The following DGLUCY variants were observed in gnomAD, a reference collection of about 807,000 sequenced individuals.
DGLUCY encodes the protein D-glutamate cyclase, mitochondrial.
A neutral mutation model predicts 58.5 loss-of-function variants in DGLUCY; 58 were observed. The observed-to-expected ratio is 0.99, with a 90% CI of 0.80 to 1.23. The LOEUF is 1.23. Ranked by LOEUF, DGLUCY falls within the 50% of genes most tolerant of loss-of-function variation. The pLI, the probability that DGLUCY is intolerant of heterozygous loss-of-function variation, is 0.00. For synonymous variants in DGLUCY, 325 were observed against 314.1 expected, an observed-to-expected ratio of 1.03 and a Z score of -0.37; for missense variants, 779 against 784.7, an observed-to-expected ratio of 0.99 and a Z score of 0.09.
chr14:91,192,048 T>A (rs965788636), intron 9 of DGLUCY, among the ~76,000 whole-genome samples: 2 of 152,210 alleles, frequency 1.3e-5, no homozygotes, highest in Admixed American at 1.3e-4. Flanking sequence ...AAGCAGGGAC[T>A]CAAGAGGTAT....
At chr14:91,133,219 C>T (rs996739561) in intron 1 of DGLUCY, among the ~76,000 whole-genome samples, 11 of 152,084 alleles carry the variant, frequency 7.2e-5, no homozygotes, top group East Asian at 3.9e-4. Flanking sequence ...TGCTTGAACC[C>T]GGGAGGTGGA....
chr14:91,184,683 A>G (rs2140476569), intron 8 of DGLUCY, among the ~76,000 whole-genome samples: 1 of 147,838 alleles, frequency 6.8e-6, no homozygotes, highest in East Asian at 2.0e-4. Flanking sequence ...GAGGGAAGGA[A>G]GGAAATGTCT....
chr14:91,066,670 A>C (rs2043827712), intron 1 of DGLUCY, among the ~76,000 whole-genome samples: 1 of 152,216 alleles, frequency 6.6e-6, no homozygotes, highest in Non-Finnish European at 1.5e-5. Flanking sequence ...TGCCATAAAC[A>C]GGAAGCAGGA....
At chr14:91,117,641 TCACATACACACACACA>T (rs960992673) in intron 1 of DGLUCY, among the ~76,000 whole-genome samples, 11 of 151,312 alleles carry the variant, frequency 7.3e-5, no homozygotes, top group South Asian at 4.2e-4. Context: ...AAGCTTTTGT[TCACATACACACACACA>T]CACATACACA....
chr14:91,070,814 A>G (rs1044312559), intron 1 of DGLUCY, among the ~76,000 whole-genome samples: 2 of 152,234 alleles, frequency 1.3e-5, no homozygotes, highest in African/African-American at 4.8e-5. Context: ...GAAACAATAG[A>G]ATAATGGAGG....
intron 1 of DGLUCY, among the ~76,000 whole-genome samples, chr14:91,077,941 G>A (rs1316540103): frequency 7.2e-6 from 1 of 138,546 alleles, no homozygotes; most frequent in Non-Finnish European, 1.6e-5. Context: ...TCTTTTCATA[G>A]CAAACTATCC....
chr14:91,196,930 G>C (rs2050255547), intron 10 of DGLUCY, among the ~76,000 whole-genome samples: 2 of 152,090 alleles, frequency 1.3e-5, no homozygotes, highest in Non-Finnish European at 2.9e-5. Flanking sequence ...GTACATGCAA[G>C]TGTGTGTATT....
chr14:91,127,810 T>G (rs1478005367), intron 1 of DGLUCY, among the ~76,000 whole-genome samples: 1 of 152,210 alleles, frequency 6.6e-6, no homozygotes, highest in Non-Finnish European at 1.5e-5. Flanking sequence ...CTCATGGCTT[T>G]CTTTTCTCCT....
At chr14:91,172,751 G>C (rs890648955) in intron 5 of DGLUCY, among the ~76,000 whole-genome samples, 1 of 151,196 alleles carries the variant, frequency 6.6e-6, no homozygotes, top group Non-Finnish European at 1.5e-5. Context: ...GGTTCAAGCC[G>C]TTCTCCTGCC....
At chr14:91,107,274 T>C (rs1357509373), upstream of DGLUCY, among the ~76,000 whole-genome samples, 3 of 151,978 alleles carry the variant, frequency 2.0e-5, no homozygotes, top group Non-Finnish European at 4.4e-5. Context: ...ATCCCGGCAC[T>C]TTGGCAAGCT....
chr14:91,101,932 A>G (rs957621050), intron 1 of DGLUCY, among the ~76,000 whole-genome samples: 1 of 152,150 alleles, frequency 6.6e-6, no homozygotes, highest in Non-Finnish European at 1.5e-5. Context: ...GGCTCAAGCA[A>G]TCCTCCCACC....
intron 1 of DGLUCY, among the ~76,000 whole-genome samples, chr14:91,080,368 CTATT>C (rs2044103223): frequency 6.6e-6 from 1 of 152,136 alleles, no homozygotes; most frequent in South Asian, 2.1e-4. Context: ...GAAACTGACA[CTATT>C]TATTTTTTCT....
chr14:91,131,820 G>GA (rs2046040109), intron 1 of DGLUCY, among the ~76,000 whole-genome samples: 1 of 152,000 alleles, frequency 6.6e-6, no homozygotes, highest in South Asian at 2.1e-4. Context: ...TTTTCAGACG[G>GA]AGTTTCGCTC....
intron 1 of DGLUCY, among the ~76,000 whole-genome samples, chr14:91,117,925 G>A (rs10143542): frequency 0.22 from 32,860 of 152,082 alleles, 5,197 homozygotes; most frequent in African/African-American, 0.45. Flanking sequence ...AGTTAAATGA[G>A]TTAAGCTTTG....
intron 12 of DGLUCY, among the ~76,000 whole-genome samples, chr14:91,205,370 GGACCCACCTTTCCT>G (rs1884385782): frequency 6.6e-6 from 1 of 152,102 alleles, no homozygotes; most frequent in Non-Finnish European, 1.5e-5. Context: ...CTCTCCCGCA[GGACCCACCTTTCCT>G]GTGTCCAGGT....
intron 9 of DGLUCY, among the ~76,000 whole-genome samples, chr14:91,190,020 C>T (rs2049778514): frequency 7.6e-6 from 1 of 130,804 alleles, no homozygotes; most frequent in Non-Finnish European, 1.5e-5. Context: ...CGGAGTCTCG[C>T]TCTGTCGCCC....
intron 13 of DGLUCY, 33 bp from the exon 14 acceptor site, chr14:91,224,651 C>T: frequency 6.4e-7 from 1 of 1,561,164 alleles, no homozygotes; most frequent in East Asian, 2.3e-5. Context: ...CCTCCCCCTC[C>T]ACTCCTTCTA....
intron 5 of DGLUCY, among the ~76,000 whole-genome samples, chr14:91,173,080 G>A (rs931645454): frequency 2.6e-5 from 4 of 152,098 alleles, no homozygotes; most frequent in African/African-American, 9.7e-5. Context: ...AAAGGGGTCC[G>A]TGGCACACAA....
chr14:91,208,270 A>G (rs1462894962), intron 12 of DGLUCY, among the ~76,000 whole-genome samples: 1 of 152,236 alleles, frequency 6.6e-6, no homozygotes, highest in Non-Finnish European at 1.5e-5. Flanking sequence ...TTGAATCTAC[A>G]TAAAGAAAGG....
Sources: gnomAD v4.1 joint callset for allele counts (sites outside exome capture counted in the v4.1 genomes callset) on GRCh38, gnomAD v4.1.1 for gene constraint, MANE v1.5 for transcripts, NCBI Gene and HGNC (gene_info 2026-07-23, HGNC 2026-07-21) for gene names.